The following TMEM185A variants were observed in gnomAD, a reference collection of about 807,000 sequenced individuals.
The protein encoded by TMEM185A is family with sequence similarity 11, member A.
In TMEM185A, 9 loss-of-function variants were observed where a neutral mutation model predicts 25.0. The observed-to-expected ratio is 0.36, with a 90% CI of 0.22 to 0.63. The LOEUF (loss-of-function observed/expected upper bound fraction) is 0.63. Ranked by LOEUF, TMEM185A falls within the 20% of genes least tolerant of loss-of-function variation. TMEM185A has a pLI of 0.68. For missense variants in TMEM185A, 103 were observed against 237.4 expected (o/e 0.43, Z 3.72); for synonymous variants, 45 against 93.5 (o/e 0.48, Z 2.99).
intron 4 of TMEM185A, chrX:149,601,989 C>T (rs1357404214): frequency 2.4e-4 from 17 of 71,455 alleles, no homozygotes; most frequent in Admixed American, 5.1e-4. Flanking sequence ...CCATGTGTTT[C>T]GGGCCCTCAT....
intron 3 of TMEM185A, among the ~76,000 whole-genome samples, chrX:149,607,958 A>T (rs1485796674): frequency 8.9e-6 from 1 of 112,062 alleles, no homozygotes; most frequent in Non-Finnish European, 1.9e-5. Flanking sequence ...CCTGGAGAGG[A>T]AAAAATTCTG....
At chrX:149,618,929 C>T (rs973729781) in intron 1 of TMEM185A, among the ~76,000 whole-genome samples, 4 of 111,531 alleles carry the variant, frequency 3.6e-5, no homozygotes, top group Non-Finnish European at 7.5e-5. Context: ...TTCAAGTATA[C>T]AAAGAAAATC....
intron 1 of TMEM185A, among the ~76,000 whole-genome samples, chrX:149,616,559 T>A (rs781914258): frequency 8.9e-6 from 1 of 112,116 alleles, no homozygotes; most frequent in South Asian, 3.7e-4. Flanking sequence ...CTCCTCTTAA[T>A]ATTATCTCCC....
At position 149,607,904 on chromosome X, in the gene TMEM185A, C is replaced by A. The variant is rs782320053; in HGVS notation, c.423+723G>T. 3.1e-4 allele frequency among the ~76,000 whole-genome samples: 35 copies of A among 111,615 alleles called. No homozygotes were observed. In the South Asian group the frequency reaches 0.012, roughly 40 times the overall value. On this transcript the variant is annotated intron_variant, in intron 3 of 6. Coordinates refer to ENST00000600449, the MANE Select transcript of TMEM185A (RefSeq NM_032508.4). ...ACTACCCTCCATAGCATGGGTGGGC[C>A]TCATGCAATCAGGTGAAGGCCTTAA...
rs145654023 is a variant in TMEM185A, at chrX:149,618,322, T to C, written c.39-6859A>G. Among the ~76,000 whole-genome samples the C allele has an allele frequency of 4.1e-3, 450 of 110,405 alleles. 1 individual carries two copies. Among genetic ancestry groups the C allele is most frequent in the African/African-American group, 0.014 (427 of 30,377 alleles). On this transcript the variant is annotated intron_variant, in intron 1 of 6. Transcript: ENST00000600449. ...TTCGATTGGAAAAAAGGGAGGAGGGTTGTAAGAAGACTGGACCTACAAAAT... is the reference window on the plus strand; with the variant it reads ...TTCGATTGGAAAAAAGGGAGGAGGGCTGTAAGAAGACTGGACCTACAAAAT...
chrX:149,609,830 C>G (rs1956907270), intron 2 of TMEM185A, among the ~76,000 whole-genome samples: 1 of 112,243 alleles, frequency 8.9e-6, no homozygotes. Context: ...ATAAGACCAA[C>G]AAAGAGAAGT....
chrX:149,631,772 C>CTGA lies in TMEM185A; in HGVS notation c.-193_-192insTCA, dbSNP rs2090199697. 4.4e-4 allele frequency: 80 copies of CTGA among 180,732 alleles called. 8 individuals are homozygous for CTGA. The East Asian group carries it at 9.7e-3, about 22-fold the overall frequency. 14.9% of individuals were successfully genotyped at this position (180,732 alleles called of 1,213,427 possible). ...CCGCCGCCGCCGCCGCCGCCGCCGC[C>CTGA]GCCGCCGCCCGGAGAAACCTGAGCC... On this transcript the variant is annotated 5_prime_UTR_variant, in exon 1 of 7. Coordinates refer to ENST00000600449, the MANE Select transcript of TMEM185A (RefSeq NM_032508.4).
In TMEM185A at chrX:149,631,598, C is replaced by A. The variant is rs1557356667; in HGVS notation, c.-18G>T. The A allele has an allele frequency of 8.6e-7, 1 of 1,158,751 alleles. No homozygotes were observed. The highest frequency in any genetic ancestry group is 3.3e-5 in the East Asian group (1 of 29,968). On this transcript the variant is annotated 5_prime_UTR_variant, in exon 1 of 7. Coordinates refer to ENST00000600449, the MANE Select transcript of TMEM185A (RefSeq NM_032508.4). Reference sequence around the variant, plus strand: ...AGGTTCATGGCGGAGAACTTCACCGCGGCGTCCTCCTCCTCCTCCCCCGCA... The same window carrying A: ...AGGTTCATGGCGGAGAACTTCACCGAGGCGTCCTCCTCCTCCTCCCCCGCA...
intron 1 of TMEM185A, among the ~76,000 whole-genome samples, chrX:149,627,638 C>G (rs1240921019): frequency 1.8e-5 from 2 of 112,347 alleles, no homozygotes; most frequent in East Asian, 5.6e-4. Context: ...TCCCTGCCTG[C>G]TCGAGACAGA....
chrX:149,603,520 T>TGGACTATTTCC (rs1445845350), intron 4 of TMEM185A, among the ~76,000 whole-genome samples: 3 of 111,851 alleles, frequency 2.7e-5, no homozygotes, highest in African/African-American at 9.8e-5. Context: ...ACACTATTTC[T>TGGACTATTTCC]GGACTATTTC....
At chrX:149,602,121 T>G (rs1355872426) in intron 4 of TMEM185A, 3 of 101,188 alleles carry the variant, frequency 3.0e-5, no homozygotes, top group African/African-American at 1.1e-4. Context: ...TAGGTGTTTC[T>G]TTTTGCAGTT....
chrX:149,625,117 C>T (rs1411716469), intron 1 of TMEM185A, among the ~76,000 whole-genome samples: 1 of 112,070 alleles, frequency 8.9e-6, no homozygotes, highest in African/African-American at 3.2e-5. Context: ...CTCCAGAGTT[C>T]GAGGCTTTTG....
At chrX:149,609,430 A>G (rs1452227614) in intron 2 of TMEM185A, among the ~76,000 whole-genome samples, 1 of 112,932 alleles carries the variant, frequency 8.9e-6, no homozygotes, top group Non-Finnish European at 1.9e-5. Context: ...ATTAAGATAA[A>G]TTAACACCTG....
At chrX:149,621,961 A>G (rs1431994835) in intron 1 of TMEM185A, among the ~76,000 whole-genome samples, 4 of 112,316 alleles carry the variant, frequency 3.6e-5, no homozygotes. Flanking sequence ...CATGTAACAG[A>G]ACATATTCCC....
In TMEM185A at chrX:149,631,662, G is replaced by GGCGCCA. The variant is rs1484814944; in HGVS notation, c.-88_-83dup. 4.1e-6 allele frequency: 4 copies of GGCGCCA among 975,551 alleles called. No homozygotes were observed. The highest frequency in any genetic ancestry group is 5.4e-5 in the South Asian group (2 of 37,115). 80.4% of individuals were successfully genotyped at this position (975,551 alleles called of 1,213,427 possible). On this transcript the variant is annotated 5_prime_UTR_variant, in exon 1 of 7. Transcript: ENST00000600449. ...AGCCTGCGCCTTACAGCGGGTTCATGGCGCCAGCGCCAGCCGCGTCCACGC... is the reference window on the plus strand; with the variant it reads ...AGCCTGCGCCTTACAGCGGGTTCATGGCGCCAGCGCCAGCGCCAGCCGCGTCCACGC...
At chrX:149,611,575 A>C (rs2090084043) in intron 1 of TMEM185A, 112 bp from the exon 2 acceptor site, 5 of 693,351 alleles carry the variant, frequency 7.2e-6, no homozygotes, top group Non-Finnish European at 1.1e-5. Context: ...TCACTAACTC[A>C]ATAATCATTT....
intron 6 of TMEM185A, among the ~76,000 whole-genome samples, 176 bp downstream of exon 6, chrX:149,599,378 C>A (rs1446217767): frequency 6.9e-5 from 7 of 101,974 alleles, no homozygotes; most frequent in African/African-American, 2.7e-4. Flanking sequence ...ACCAGAGTTA[C>A]GGCATGCCCT....
At chrX:149,604,254 A>G (rs1486847145) in intron 3 of TMEM185A, among the ~76,000 whole-genome samples, 184 bp from the exon 4 acceptor site, 5 of 103,269 alleles carry the variant, frequency 4.8e-5, no homozygotes, top group Non-Finnish European at 9.9e-5. Context: ...GGCAAGGGGA[A>G]ATGGGGCTCA....
Position 149,604,009 on chromosome X carries a change from T to C in TMEM185A, c.485A>G (p.Lys162Arg), listed in dbSNP as rs1440400594. The C allele has an allele frequency of 3.3e-6, 4 of 1,207,680 alleles. No individual in the cohort carries two copies. The highest frequency in any genetic ancestry group is 3.5e-5 in the African/African-American group (2 of 57,143). ...TACAAGCCAGGGCCAGTGGATGATC[T>C]TGTCCAGTCTTAAGGCAATGAATAT... is the stretch of plus-strand genomic sequence containing the variant. Reference protein sequence around the residue: ...QFIFIALRLDKIIHWPWLVVC... With the variant: ...QFIFIALRLDRIIHWPWLVVC... The change falls in exon 4 of 7, where the codon AAG (lysine) becomes AGG (arginine). Residue 162 changes from lysine to arginine, a missense_variant. Transcript: ENST00000600449.
Sources: allele counts gnomAD v4.1 joint callset (sites outside exome capture counted in the v4.1 genomes callset), GRCh38; gene constraint gnomAD v4.1.1; transcripts MANE v1.5; gene names NCBI Gene and HGNC (gene_info 2026-07-23, HGNC 2026-07-21).